Variants in TMEM45A observed in about 807,000 individuals in gnomAD.
TMEM45A encodes the protein DNA polymerase-transactivated protein 4.
TMEM45A carries 25 observed loss-of-function variants against 32.0 expected under a neutral mutation model. The observed-to-expected ratio is 0.78, with a 90% CI of 0.57 to 1.09. The LOEUF (loss-of-function observed/expected upper bound fraction) is 1.09. Ranked by LOEUF, TMEM45A falls within the 50% of genes least tolerant of loss-of-function variation. The pLI, the probability that TMEM45A is intolerant of heterozygous loss-of-function variation, is 0.00. For missense variants in TMEM45A, 302 were observed against 325.0 expected (o/e 0.93, Z 0.54); for synonymous variants, 122 against 114.8 (o/e 1.06, Z -0.40).
chr3:100,554,211 G>A (rs1450407719), intron 1 of TMEM45A, among the ~76,000 whole-genome samples: 1 of 151,890 alleles, frequency 6.6e-6, no homozygotes, highest in African/African-American at 2.4e-5. Flanking sequence ...CAAAAATGGA[G>A]GGTATTACTG....
At chr3:100,548,637 C>T (rs929728053) in intron 1 of TMEM45A, among the ~76,000 whole-genome samples, 1 of 152,208 alleles carries the variant, frequency 6.6e-6, no homozygotes, top group African/African-American at 2.4e-5. Context: ...GTCATCTTAA[C>T]ACCTCCATAG....
At chr3:100,543,301 C>T (rs887575093) in intron 1 of TMEM45A, among the ~76,000 whole-genome samples, 1 of 152,072 alleles carries the variant, frequency 6.6e-6, no homozygotes, top group Non-Finnish European at 1.5e-5. Context: ...CAACCAGTTG[C>T]AGTAATGAAC....
chr3:100,522,099 G>C (rs1705447014), intron 1 of TMEM45A, among the ~76,000 whole-genome samples: 1 of 152,018 alleles, frequency 6.6e-6, no homozygotes, highest in Admixed American at 6.5e-5. Flanking sequence ...ACTGTTGGGG[G>C]TGGGGGTAGT....
chr3:100,538,690 C>G (rs1705790090), intron 1 of TMEM45A, among the ~76,000 whole-genome samples: 1 of 152,066 alleles, frequency 6.6e-6, no homozygotes, highest in African/African-American at 2.4e-5. Flanking sequence ...CAGCAAAACC[C>G]TTCCTGGAAC....
intron 1 of TMEM45A, among the ~76,000 whole-genome samples, chr3:100,529,548 A>T (rs1373835947): frequency 6.6e-6 from 1 of 152,156 alleles, no homozygotes; most frequent in Non-Finnish European, 1.5e-5. Flanking sequence ...CACCTCCAAG[A>T]CTAGACCTTT....
intron 1 of TMEM45A, among the ~76,000 whole-genome samples, chr3:100,514,509 A>T (rs1386750365): frequency 1.3e-5 from 2 of 151,956 alleles, no homozygotes; most frequent in African/African-American, 4.8e-5. Context: ...ATTAGACCTA[A>T]AACCATAAAA....
intron 4 of TMEM45A, among the ~76,000 whole-genome samples, chr3:100,564,935 A>G (rs2148991023): frequency 6.6e-6 from 1 of 152,258 alleles, no homozygotes; most frequent in East Asian, 1.9e-4. Context: ...GATTATTCAA[A>G]CCATATCAGA....
chr3:100,534,695 C>G (rs954603668), intron 1 of TMEM45A, among the ~76,000 whole-genome samples: 6 of 152,184 alleles, frequency 3.9e-5, no homozygotes, highest in Non-Finnish European at 7.3e-5. Context: ...GTTAGACCAG[C>G]AGTGGGAAAT....
Position 100,556,729 on chromosome 3 carries a change from G to A in TMEM45A, c.191-31G>A, listed in dbSNP as rs754440627. ...CTTCTTGAATTCTATGTAAAGCAGA[G>A]TTGCTAAAACTGTGATATGTTTCTT... On this transcript the variant is annotated intron_variant, in intron 2 of 5. Transcript: ENST00000323523. 3.2e-6 allele frequency: 5 copies of A among 1,582,486 alleles called. No homozygotes were observed. The Admixed American group carries it at 5.4e-5, about 17-fold the overall frequency.
chr3:100,508,590 T>C (rs1708111087), intron 1 of TMEM45A, among the ~76,000 whole-genome samples: 1 of 152,030 alleles, frequency 6.6e-6, no homozygotes, highest in Non-Finnish European at 1.5e-5. Context: ...CAAAACAACA[T>C]GGCATTGGTA....
chr3:100,542,865 T>C (rs1705913144), intron 1 of TMEM45A, among the ~76,000 whole-genome samples: 1 of 151,986 alleles, frequency 6.6e-6, no homozygotes, highest in Non-Finnish European at 1.5e-5. Context: ...ATGACAATAA[T>C]AGGCATTGGG....
intron 4 of TMEM45A, among the ~76,000 whole-genome samples, chr3:100,567,909 C>T (rs1221932765): frequency 1.3e-5 from 2 of 152,010 alleles, no homozygotes; most frequent in East Asian, 1.9e-4. Context: ...CTCAGCCTCC[C>T]GAGTAGCTGG....
At chr3:100,502,700 G>T (rs1350881348) in intron 1 of TMEM45A, among the ~76,000 whole-genome samples, 1 of 152,092 alleles carries the variant, frequency 6.6e-6, no homozygotes, top group Non-Finnish European at 1.5e-5. Context: ...TGAACTCCTG[G>T]CCTCAAGTGA....
chr3:100,508,454 A>G (rs1324541061), intron 1 of TMEM45A, among the ~76,000 whole-genome samples: 1 of 152,196 alleles, frequency 6.6e-6, no homozygotes, highest in Non-Finnish European at 1.5e-5. Flanking sequence ...GAAATAGAAA[A>G]CACAATGCTA....
chr3:100,525,960 G>T (rs1387193048), intron 1 of TMEM45A, among the ~76,000 whole-genome samples: 1 of 152,108 alleles, frequency 6.6e-6, no homozygotes, highest in African/African-American at 2.4e-5. Context: ...CTTCCTTCAT[G>T]GTGGGTAGTG....
chr3:100,572,616 T>C (rs1458579578), intron 5 of TMEM45A: 1 of 152,074 alleles, frequency 6.6e-6, no homozygotes, highest in East Asian at 1.9e-4. Flanking sequence ...TAGATCCCAT[T>C]TGTCAATTTT....
chr3:100,520,495 G>A (rs760138863), intron 1 of TMEM45A, among the ~76,000 whole-genome samples: 4 of 152,206 alleles, frequency 2.6e-5, no homozygotes, highest in East Asian at 1.9e-4. Flanking sequence ...CCTCTTTTCC[G>A]CCCTTGCTGG....
chr3:100,520,022 G>A (rs1320271771), intron 1 of TMEM45A, among the ~76,000 whole-genome samples: 1 of 151,990 alleles, frequency 6.6e-6, no homozygotes, highest in African/African-American at 2.4e-5. Context: ...ACCACTTACT[G>A]TATGCCAGAC....
At chr3:100,541,394 C>T (rs1705872439) in intron 1 of TMEM45A, among the ~76,000 whole-genome samples, 1 of 152,050 alleles carries the variant, frequency 6.6e-6, no homozygotes, top group East Asian at 1.9e-4. Flanking sequence ...GTCAAAAATC[C>T]TTTATGAAGG....
Sources: allele counts gnomAD v4.1 joint callset (sites outside exome capture counted in the v4.1 genomes callset), GRCh38; gene constraint gnomAD v4.1.1; transcripts MANE v1.5; gene names NCBI Gene and HGNC (gene_info 2026-07-23, HGNC 2026-07-21).